The following ESRRG variants were observed in gnomAD, a reference collection of about 807,000 sequenced individuals.
ESRRG encodes estrogen-related receptor gamma.
ESRRG carries 13 observed loss-of-function variants against 44.0 expected under a neutral mutation model. That is an observed-to-expected ratio of 0.30 (90% CI 0.19 to 0.47). The LOEUF (loss-of-function observed/expected upper bound fraction) is 0.47, where lower values mean the gene tolerates loss of function less well. Among genes scored for constraint, ESRRG ranks in the 20% least tolerant of loss-of-function variants. The probability of loss-of-function intolerance (pLI) is 1.00; values close to 1 mark genes in which losing one functional copy is unlikely to be tolerated. For synonymous variants in ESRRG, 215 were observed against 214.6 expected (o/e 1.00, Z -0.02); for missense variants, 395 against 580.6 (o/e 0.68, Z 3.29).
chr1:216,779,983 A>G (rs1427171139), intron 2 of ESRRG, among the ~76,000 whole-genome samples: 2 of 151,874 alleles, frequency 1.3e-5, no homozygotes, highest in Non-Finnish European at 2.9e-5. Flanking sequence ...AGATAGAAGC[A>G]TGTTTGTTAG....
At chr1:216,698,085 A>G (rs2080550451) in intron 1 of ESRRG, among the ~76,000 whole-genome samples, 1 of 152,166 alleles carries the variant, frequency 6.6e-6, no homozygotes, top group Non-Finnish European at 1.5e-5. Flanking sequence ...GGAATTAGAC[A>G]TGGCAGGGAT....
chr1:216,880,727 A>G (rs1306568826), intron 2 of ESRRG, among the ~76,000 whole-genome samples: 1 of 152,184 alleles, frequency 6.6e-6, no homozygotes. Flanking sequence ...TGTAACAGTA[A>G]AACACTAAAT....
intron 1 of ESRRG, among the ~76,000 whole-genome samples, chr1:216,956,925 G>T (rs966376221): frequency 5.3e-5 from 8 of 152,126 alleles, no homozygotes; most frequent in African/African-American, 1.9e-4. Flanking sequence ...ACAAAAATGA[G>T]ATGAAATCTT....
At chr1:216,654,054 C>T (rs933429930) in intron 2 of ESRRG, among the ~76,000 whole-genome samples, 2 of 150,832 alleles carry the variant, frequency 1.3e-5, no homozygotes, top group Non-Finnish European at 3.0e-5. Flanking sequence ...ACCCAGAAGG[C>T]GGAGGTTTCA....
intron 1 of ESRRG, among the ~76,000 whole-genome samples, chr1:216,968,710 T>C (rs2070987498): frequency 6.6e-6 from 1 of 151,684 alleles, no homozygotes; most frequent in African/African-American, 2.4e-5. Flanking sequence ...TCTTTTTTTT[T>C]TTTTGTCTCT....
chr1:216,691,789 C>T (rs947691049), intron 1 of ESRRG, among the ~76,000 whole-genome samples: 6 of 152,170 alleles, frequency 3.9e-5, no homozygotes, highest in Non-Finnish European at 7.3e-5. Flanking sequence ...TCAACCTCAG[C>T]CTTGTATCTT....
chr1:216,616,371 G>A (rs932719325), intron 3 of ESRRG, among the ~76,000 whole-genome samples: 1 of 152,216 alleles, frequency 6.6e-6, no homozygotes, highest in African/African-American at 2.4e-5. Context: ...TTTAGCTAAT[G>A]TCCTCTTCAC....
intron 1 of ESRRG, among the ~76,000 whole-genome samples, chr1:217,073,197 CAAAAAAAAAAAAAAAAAAAAA>C (rs34950214): frequency 1.3e-5 from 1 of 75,984 alleles, no homozygotes; most frequent in African/African-American, 5.2e-5. Context: ...CCTTTCTGGA[CAAAAAAAAAAAAAAAAAAAAA>C]AAAAAAAAAA....
chr1:216,729,609 G>A (rs143896854), intron 2 of ESRRG, among the ~76,000 whole-genome samples: 1 of 152,258 alleles, frequency 6.6e-6, no homozygotes, highest in East Asian at 1.9e-4. Flanking sequence ...AAGTTACCAT[G>A]ATGTTTTCTG....
chr1:216,510,584 A>C (rs920130257), intron 6 of ESRRG, among the ~76,000 whole-genome samples: 1 of 152,186 alleles, frequency 6.6e-6, no homozygotes, highest in African/African-American at 2.4e-5. Flanking sequence ...TCTCTATGTT[A>C]GAAAATATTA....
intron 1 of ESRRG, among the ~76,000 whole-genome samples, chr1:217,026,541 G>C (rs962368129): frequency 6.6e-6 from 1 of 152,134 alleles, no homozygotes; most frequent in African/African-American, 2.4e-5. Flanking sequence ...CCTAGGTCCT[G>C]AGTTTGGGTG....
At chr1:217,015,761 C>G (rs11117747) in intron 1 of ESRRG, among the ~76,000 whole-genome samples, 34,782 of 146,398 alleles carry the variant, frequency 0.24, 4,460 homozygotes, top group Middle Eastern at 0.43. Flanking sequence ...CAGAGTTTCA[C>G]TCTTACTGCC....
intron 2 of ESRRG, among the ~76,000 whole-genome samples, chr1:216,922,175 G>A (rs1480241762): frequency 3.9e-5 from 6 of 152,236 alleles, no homozygotes; most frequent in African/African-American, 1.4e-4. Context: ...AGGGCAAAGA[G>A]AAGCTAAGGA....
chr1:217,011,537 T>G (rs2078614747), intron 1 of ESRRG, among the ~76,000 whole-genome samples: 1 of 152,204 alleles, frequency 6.6e-6, no homozygotes, highest in South Asian at 2.1e-4. Flanking sequence ...GCTGCCTACA[T>G]GCAAAGCATT....
chr1:216,509,967 T>C (rs922330180), intron 6 of ESRRG, among the ~76,000 whole-genome samples: 9 of 152,216 alleles, frequency 5.9e-5, no homozygotes, highest in Non-Finnish European at 1.0e-4. Context: ...CTGGCATTAA[T>C]GTATGTAATT....
At chr1:216,956,142 G>A (rs140019684) in intron 1 of ESRRG, among the ~76,000 whole-genome samples, 2 of 152,056 alleles carry the variant, frequency 1.3e-5, no homozygotes, top group East Asian at 3.9e-4. Flanking sequence ...AGAGTTTCCT[G>A]TATGTTTTTT....
At chr1:216,875,995 T>C (rs1255087983) in intron 2 of ESRRG, among the ~76,000 whole-genome samples, 2 of 152,182 alleles carry the variant, frequency 1.3e-5, no homozygotes, top group African/African-American at 4.8e-5. Context: ...ATAATGACAA[T>C]GCTCCCTAGA....
chr1:216,548,522 A>G (rs1264123886), intron 5 of ESRRG, among the ~76,000 whole-genome samples: 1 of 152,132 alleles, frequency 6.6e-6, no homozygotes, highest in Non-Finnish European at 1.5e-5. Context: ...TAACCAAAAG[A>G]ACAAAGCTAG....
At position 216,504,546 on chromosome 1, in the gene ESRRG, G is replaced by A. The variant is rs1167405707; in HGVS notation, c.*2393C>T. On this transcript the variant is annotated 3_prime_UTR_variant, in exon 7 of 7. Coordinates refer to ENST00000408911, the MANE Select transcript of ESRRG (RefSeq NM_001438.4). ...ACAGTATTCCTAGCACTGGGTTGAT[G>A]TTTCATCAACCCAAGGTATTTTGTT... The A allele has an allele frequency of 6.6e-6, 1 of 152,514 alleles. No individual in the cohort carries two copies. The highest frequency in any genetic ancestry group is 1.5e-5 in the Non-Finnish European group (1 of 68,012). 9.4% of individuals were successfully genotyped at this position (152,514 alleles called of 1,614,324 possible). A position where few individuals can be genotyped will look rare whatever the true frequency, so the allele number is the denominator to read the frequency against.
Sources: allele counts gnomAD v4.1 joint callset (sites outside exome capture counted in the v4.1 genomes callset), GRCh38; gene constraint gnomAD v4.1.1; transcripts MANE v1.5; gene names NCBI Gene and HGNC (gene_info 2026-07-23, HGNC 2026-07-21).